Variants in ADAM29 observed in about 807,000 individuals in gnomAD.
The protein encoded by ADAM29 is disintegrin and metalloproteinase domain-containing protein 29.
For missense variants in ADAM29, 969 were observed against 1,001.8 expected, an observed-to-expected ratio of 0.97 and a Z score of 0.44; for synonymous variants, 367 against 342.3, an observed-to-expected ratio of 1.07 and a Z score of -0.80.
intron 4 of ADAM29, among the ~76,000 whole-genome samples, chr4:174,958,981 G>GTAT (rs1745659915): frequency 8.4e-6 from 1 of 119,294 alleles, no homozygotes; most frequent in Non-Finnish European, 1.8e-5. Flanking sequence ...TTACCTAAAT[G>GTAT]TATTATTAGT....
At chr4:174,926,258 G>A (rs959780815) in intron 2 of ADAM29, among the ~76,000 whole-genome samples, 1 of 152,010 alleles carries the variant, frequency 6.6e-6, no homozygotes, top group Non-Finnish European at 1.5e-5. Context: ...AAACCGTATC[G>A]ATAACGCTTC....
intron 4 of ADAM29, among the ~76,000 whole-genome samples, chr4:174,957,823 A>C (rs1745589924): frequency 6.6e-6 from 1 of 151,832 alleles, no homozygotes; most frequent in South Asian, 2.1e-4. Context: ...CCTGAATTTA[A>C]ATTGACAAGG....
At chr4:174,973,807 C>T (rs72710302) in intron 4 of ADAM29, among the ~76,000 whole-genome samples, 163 of 152,244 alleles carry the variant, frequency 1.1e-3, no homozygotes, top group Non-Finnish European at 2.0e-3. Flanking sequence ...GCCACTTTGA[C>T]GCCTGAAGAT....
chr4:174,974,076 G>C (rs150237116), intron 4 of ADAM29, among the ~76,000 whole-genome samples: 153 of 152,256 alleles, frequency 1.0e-3, no homozygotes, highest in African/African-American at 3.5e-3. Context: ...GGGTGGAATG[G>C]ACAGCCCACC....
intron 4 of ADAM29, among the ~76,000 whole-genome samples, chr4:174,974,838 G>A (rs1039398907): frequency 2.6e-5 from 4 of 152,040 alleles, no homozygotes; most frequent in Non-Finnish European, 5.9e-5. Flanking sequence ...GCCATAGAAA[G>A]GTATATGATA....
intron 4 of ADAM29, among the ~76,000 whole-genome samples, chr4:174,962,124 A>G (rs1745856801): frequency 6.6e-6 from 1 of 152,230 alleles, no homozygotes; most frequent in Non-Finnish European, 1.5e-5. Context: ...ATTTGCATAA[A>G]CTTTTAAAGT....
intron 4 of ADAM29, among the ~76,000 whole-genome samples, chr4:174,959,633 T>C (rs1449759515): frequency 6.6e-6 from 1 of 151,850 alleles, no homozygotes; most frequent in Admixed American, 6.6e-5. Flanking sequence ...TGTTTTCTTA[T>C]AAATTTTTAA....
At chr4:174,945,518 C>CAATTGTAAATTGTA (rs1460690556) in intron 4 of ADAM29, among the ~76,000 whole-genome samples, 2 of 151,932 alleles carry the variant, frequency 1.3e-5, no homozygotes, top group African/African-American at 4.8e-5. Flanking sequence ...TCCCAATTGT[C>CAATTGTAAATTGTA]AATTTTTGTT....
chr4:174,971,019 T>C (rs2111099957), intron 4 of ADAM29, among the ~76,000 whole-genome samples: 1 of 152,292 alleles, frequency 6.6e-6, no homozygotes, highest in Non-Finnish European at 1.5e-5. Context: ...CCCCACACTT[T>C]ATTTTATTGT....
intron 4 of ADAM29, among the ~76,000 whole-genome samples, chr4:174,943,111 C>G (rs1306936471): frequency 6.6e-6 from 1 of 152,150 alleles, no homozygotes; most frequent in Non-Finnish European, 1.5e-5. Flanking sequence ...CCAATCAATT[C>G]CTCACCTCCA....
chr4:174,920,594 A>G (rs543666122), intron 1 of ADAM29, 93 bp from the exon 2 acceptor site: 6 of 152,274 alleles, frequency 3.9e-5, no homozygotes, highest in African/African-American at 1.4e-4. Context: ...AATATCAGGC[A>G]GAAAACACTG....
At chr4:174,958,910 T>C (rs1437114198) in intron 4 of ADAM29, among the ~76,000 whole-genome samples, 2 of 151,834 alleles carry the variant, frequency 1.3e-5, no homozygotes, top group African/African-American at 4.8e-5. Flanking sequence ...TGTTCCACAT[T>C]CTCCCTTCTG....
At chr4:174,974,104 CTG>C (rs1449169932) in intron 4 of ADAM29, among the ~76,000 whole-genome samples, 2 of 152,272 alleles carry the variant, frequency 1.3e-5, no homozygotes, top group East Asian at 3.9e-4. Context: ...TGAATGTGGA[CTG>C]TGTTTGGTGG....
intron 4 of ADAM29, among the ~76,000 whole-genome samples, chr4:174,940,345 T>A (rs769514529): frequency 1.3e-5 from 2 of 152,182 alleles, no homozygotes; most frequent in African/African-American, 2.4e-5. Flanking sequence ...TAACATGAGA[T>A]ATTAATAGAC....
chr4:174,923,525 GT>G lies in ADAM29; in HGVS notation c.-451+2734del, dbSNP rs1743295490. 4.4e-3 allele frequency among the ~76,000 whole-genome samples: 423 copies of G among 96,672 alleles called. 2 individuals carry two copies. Among genetic ancestry groups the G allele is most frequent in the Middle Eastern group, 6.4e-3 (1 of 156 alleles). The allele number at this position is 96,672 out of a possible 152,430, so 63.4% of individuals were successfully genotyped here. The stretch of plus-strand genomic sequence containing the variant: ...ATCCCCTATATACTGTGCATTATAT[GT>G]ATATATATATATATATATATATATA... On this transcript the variant is annotated intron_variant, in intron 2 of 4. Transcript: ENST00000359240.
In ADAM29 at chr4:174,931,181, CA is replaced by C. The variant is rs1214832697; in HGVS notation, c.-262+10del. The stretch of plus-strand genomic sequence containing the variant: ...TTGCAGTGGAAAGGAGCAGGTAAAA[CA>C]AATAAGCAGAGGCACAAAATCATCA... On this transcript the variant is annotated splice_region_variant and intron_variant, in intron 3 of 4. Coordinates refer to ENST00000359240, the MANE Select transcript of ADAM29 (RefSeq NM_014269.4). 1 of 152,198 alleles carries C rather than the reference CA, an allele frequency of 6.6e-6. No homozygotes were observed. The highest frequency in any genetic ancestry group is 1.5e-5 in the Non-Finnish European group (1 of 68,054). The allele number at this position is 152,198 out of a possible 1,614,324, so 9.4% of individuals were successfully genotyped here. A position where few individuals can be genotyped will look rare whatever the true frequency, so the allele number is the denominator to read the frequency against.
In ADAM29 at chr4:174,936,424, C is replaced by T. The variant is rs528899177; in HGVS notation, c.-261-509C>T. Among the ~76,000 whole-genome samples, 12 of 152,034 alleles carry T rather than the reference C, an allele frequency of 7.9e-5. No individual in the cohort carries two copies. In the South Asian group the frequency reaches 1.2e-3, roughly 16 times the overall value. The stretch of plus-strand genomic sequence containing the variant: ...TGACATTTTTTGGAACAACATTTTA[C>T]GAAGTTTACTACTTTAGCAGAATAT... On this transcript the variant is annotated intron_variant, in intron 3 of 4. Coordinates refer to ENST00000359240, the MANE Select transcript of ADAM29 (RefSeq NM_014269.4).
intron 4 of ADAM29, among the ~76,000 whole-genome samples, chr4:174,943,087 C>T: frequency 6.6e-6 from 1 of 152,158 alleles, no homozygotes; most frequent in South Asian, 2.1e-4. Flanking sequence ...CAAGAGTGAC[C>T]TTTGCTCCAG....
chr4:174,971,220 G>A (rs1746463640), intron 4 of ADAM29, among the ~76,000 whole-genome samples: 1 of 152,042 alleles, frequency 6.6e-6, no homozygotes, highest in South Asian at 2.1e-4. Context: ...TATTTGTAAT[G>A]AATAAAAAAT....
Sources: allele counts gnomAD v4.1 joint callset (sites outside exome capture counted in the v4.1 genomes callset), GRCh38; gene constraint gnomAD v4.1.1; transcripts MANE v1.5; gene names NCBI Gene and HGNC (gene_info 2026-07-23, HGNC 2026-07-21).